ADAMTS3: variants seen among roughly 807,000 people sequenced by gnomAD.
ADAMTS3 encodes ADAM metallopeptidase with thrombospondin type 1 motif 3.
In ADAMTS3, 73 loss-of-function variants were observed where a neutral mutation model predicts 129.0. That is an observed-to-expected ratio of 0.57 (90% CI 0.47 to 0.69). The LOEUF (loss-of-function observed/expected upper bound fraction) is 0.69, where lower values mean the gene tolerates loss of function less well. Among genes scored for constraint, ADAMTS3 ranks in the 30% least tolerant of loss-of-function variants. The pLI, the probability that ADAMTS3 is intolerant of heterozygous loss-of-function variation, is 0.00. For synonymous variants in ADAMTS3, 477 were observed against 510.8 expected (o/e 0.93, Z 0.89); for missense variants, 1,457 against 1,514.5 (o/e 0.96, Z 0.63).
Position 72,512,303 on chromosome 4 carries a change from C to A in ADAMTS3, c.504+36175G>T, listed in dbSNP as rs562427634. 9.2e-5 allele frequency among the ~76,000 whole-genome samples: 14 copies of A among 152,110 alleles called. No individual in the cohort carries two copies. The South Asian group carries it at 2.9e-3, about 32-fold the overall frequency. ...GGTCAGGAGTTCAAGACCAGCCTGG[C>A]CAATATGGTGAAACCCTGTCTCTAC... On this transcript the variant is annotated intron_variant, in intron 3 of 21. Transcript: ENST00000286657.
chr4:72,437,338 A>G (rs1008980497), intron 3 of ADAMTS3, among the ~76,000 whole-genome samples: 2 of 151,898 alleles, frequency 1.3e-5, no homozygotes, highest in Non-Finnish European at 2.9e-5. Context: ...CTGCACTGCT[A>G]GAACCACGTA....
At chr4:72,565,595 G>A (rs569775918) in intron 2 of ADAMTS3, among the ~76,000 whole-genome samples, 2 of 152,128 alleles carry the variant, frequency 1.3e-5, no homozygotes, top group African/African-American at 2.4e-5. Flanking sequence ...CATTCAACTG[G>A]AAAACGATAA....
intron 2 of ADAMTS3, among the ~76,000 whole-genome samples, chr4:72,549,297 T>C (rs1227007135): frequency 6.6e-6 from 1 of 152,218 alleles, no homozygotes. Flanking sequence ...CTGATTGTTT[T>C]CATTTTTTCC....
At position 72,451,346 on chromosome 4, in the gene ADAMTS3, A is replaced by T. The variant is rs149959780; in HGVS notation, c.505-36375T>A. Among the ~76,000 whole-genome samples the T allele has an allele frequency of 4.6e-3, 698 of 151,930 alleles. 7 individuals are homozygous for T. The highest frequency in any genetic ancestry group is 0.016 in the African/African-American group (662 of 41,522). ...AAAAGTTGATAATGAGAAAAGAATGACACAAATTTCTCAATAATGTCTGAG... is the reference window on the plus strand; with the variant it reads ...AAAAGTTGATAATGAGAAAAGAATGTCACAAATTTCTCAATAATGTCTGAG... On this transcript the variant is annotated intron_variant, in intron 3 of 21. Coordinates refer to ENST00000286657, the MANE Select transcript of ADAMTS3 (RefSeq NM_014243.3).
At chr4:72,385,186 A>G (rs567833884) in intron 4 of ADAMTS3, among the ~76,000 whole-genome samples, 205 of 152,066 alleles carry the variant, frequency 1.3e-3, no homozygotes, top group Non-Finnish European at 2.4e-3. Flanking sequence ...TCTCAAAAAA[A>G]AAAAGAAAAG....
chr4:72,315,443 C>G (rs920766411), intron 11 of ADAMTS3, among the ~76,000 whole-genome samples: 2 of 152,062 alleles, frequency 1.3e-5, no homozygotes, highest in African/African-American at 4.8e-5. Flanking sequence ...ATGAGGAAAA[C>G]GCAATGTGGC....
At chr4:72,525,761 A>C (rs941165677) in intron 3 of ADAMTS3, among the ~76,000 whole-genome samples, 1 of 152,184 alleles carries the variant, frequency 6.6e-6, no homozygotes, top group African/African-American at 2.4e-5. Flanking sequence ...AGTAGCCCTC[A>C]GAAGCAAGTG....
Position 72,313,809 on chromosome 4 carries a change from C to G in ADAMTS3, c.1613G>C (p.Gly538Ala). The G allele has an allele frequency of 6.2e-7, 1 of 1,613,698 alleles. No homozygotes were observed. The highest frequency in any genetic ancestry group is 1.1e-5 in the South Asian group (1 of 91,060). The stretch of plus-strand genomic sequence containing the variant: ...ATTAGCATTCTTCCACATGCAATGA[C>G]CCTTATAGCACCACTTAGAAAAATG... ...ECAAGKWCYK[G>A]HCMWKNANQQ... Residue 538 changes from glycine (G) to alanine (A), a missense_variant, in exon 12 of 22, where the codon GGT becomes GCT. Coordinates refer to ENST00000286657, the MANE Select transcript of ADAMTS3 (RefSeq NM_014243.3).
intron 4 of ADAMTS3, among the ~76,000 whole-genome samples, chr4:72,364,269 AT>A (rs901132936): frequency 5.9e-5 from 9 of 152,040 alleles, no homozygotes; most frequent in African/African-American, 2.2e-4. Context: ...ACTAAAAAAT[AT>A]TTTTCTTTTT....
intron 4 of ADAMTS3, among the ~76,000 whole-genome samples, chr4:72,343,101 G>T (rs917973987): frequency 6.6e-6 from 1 of 152,098 alleles, no homozygotes; most frequent in Non-Finnish European, 1.5e-5. Context: ...TTACATAAGG[G>T]CCCACAGATT....
At chr4:72,310,457 A>G (rs2109795931) in intron 14 of ADAMTS3, among the ~76,000 whole-genome samples, 1 of 152,246 alleles carries the variant, frequency 6.6e-6, no homozygotes, top group Middle Eastern at 3.4e-3. Flanking sequence ...TGAAGTATAA[A>G]GGAAATATAT....
At chr4:72,433,675 A>G (rs1722750712) in intron 3 of ADAMTS3, among the ~76,000 whole-genome samples, 2 of 151,906 alleles carry the variant, frequency 1.3e-5, no homozygotes, top group South Asian at 4.1e-4. Context: ...CATTAAAATT[A>G]TGTGCTACTA....
At chr4:72,487,899 G>C (rs1450675667) in intron 3 of ADAMTS3, among the ~76,000 whole-genome samples, 1 of 151,898 alleles carries the variant, frequency 6.6e-6, no homozygotes, top group African/African-American at 2.4e-5. Flanking sequence ...TATAAGGCTT[G>C]ACTTAAGAGA....
chr4:72,363,827 C>T (rs929124240), intron 4 of ADAMTS3, among the ~76,000 whole-genome samples: 1 of 151,652 alleles, frequency 6.6e-6, no homozygotes, highest in African/African-American at 2.4e-5. Context: ...TATTTAAAAC[C>T]TTAAGCGTGG....
At chr4:72,542,355 A>G (rs1721355122) in intron 3 of ADAMTS3, among the ~76,000 whole-genome samples, 3 of 151,996 alleles carry the variant, frequency 2.0e-5, no homozygotes, top group South Asian at 2.1e-4. Context: ...TAGTAGAGAT[A>G]GGGTTTCACC....
intron 3 of ADAMTS3, among the ~76,000 whole-genome samples, chr4:72,511,939 G>T (rs1044823490): frequency 2.0e-5 from 3 of 152,168 alleles, no homozygotes; most frequent in Non-Finnish European, 4.4e-5. Flanking sequence ...TTATAAAAAA[G>T]AACGAGAGCT....
intron 5 of ADAMTS3, among the ~76,000 whole-genome samples, chr4:72,323,853 G>A (rs1395026224): frequency 6.6e-6 from 1 of 152,168 alleles, no homozygotes; most frequent in Non-Finnish European, 1.5e-5. Context: ...AGAGGTCATA[G>A]TCCAATTCTG....
chr4:72,331,045 T>C lies in ADAMTS3; in HGVS notation c.862-7948A>G, dbSNP rs140490425. 1.5e-3 allele frequency among the ~76,000 whole-genome samples: 226 copies of C among 152,282 alleles called. 1 individual carries two copies. The highest frequency in any genetic ancestry group is 5.2e-3 in the African/African-American group (218 of 41,554). On this transcript the variant is annotated intron_variant, in intron 5 of 21. Coordinates refer to ENST00000286657, the MANE Select transcript of ADAMTS3 (RefSeq NM_014243.3). Reference sequence around the variant, plus strand: ...ACTTAAGAAAGAAGAAAGTGTGAATTTCACGAAGGGAATTTGGGGCTGCAA... The same window carrying C: ...ACTTAAGAAAGAAGAAAGTGTGAATCTCACGAAGGGAATTTGGGGCTGCAA...
chr4:72,530,022 T>A (rs1277400991), intron 3 of ADAMTS3, among the ~76,000 whole-genome samples: 1 of 624 alleles, frequency 1.6e-3, no homozygotes, highest in African/African-American at 1.9e-3. Flanking sequence ...TATATTATAT[T>A]TATATATAAA....
Sources: allele counts gnomAD v4.1 joint callset (sites outside exome capture counted in the v4.1 genomes callset), GRCh38; gene constraint gnomAD v4.1.1; transcripts MANE v1.5; gene names NCBI Gene and HGNC (gene_info 2026-07-23, HGNC 2026-07-21).